The following SNW1 variants were observed in gnomAD, a reference collection of about 807,000 sequenced individuals.
SNW1 encodes the protein SNW domain-containing protein 1.
SNW1 carries 9 observed loss-of-function variants against 75.6 expected under a neutral mutation model. The observed-to-expected ratio is 0.12, with a 90% CI of 0.07 to 0.21. SNW1 has a LOEUF of 0.21. Among genes scored for constraint, SNW1 ranks in the 10% least tolerant of loss-of-function variants. The pLI, the probability that SNW1 is intolerant of heterozygous loss-of-function variation, is 1.00. For missense variants in SNW1, 409 were observed against 670.9 expected (o/e 0.61, Z 4.31); for synonymous variants, 200 against 219.1 (o/e 0.91, Z 0.77).
At position 77,719,716 on chromosome 14, in the gene SNW1, T is replaced by C. The variant is rs548304213; in HGVS notation, c.1248+995A>G. Among the ~76,000 whole-genome samples the C allele has an allele frequency of 5.3e-5, 8 of 152,328 alleles. No homozygotes were observed. In the South Asian group the frequency reaches 1.7e-3, roughly 32 times the overall value. ...AATCTTAATTCCATCAGTCACAAGCTAAACCTGTGTTTCAATTTCCTCATC... is the reference window on the plus strand; with the variant it reads ...AATCTTAATTCCATCAGTCACAAGCCAAACCTGTGTTTCAATTTCCTCATC... On this transcript the variant is annotated intron_variant, in intron 12 of 13. Transcript: ENST00000261531.
chr14:77,732,384 C>T, intron 9 of SNW1, 101 bp downstream of exon 9: 1 of 732,322 alleles, frequency 1.4e-6, no homozygotes. Context: ...GTGAGACTCT[C>T]TTTGGGTGCT....
intron 1 of SNW1, among the ~76,000 whole-genome samples, chr14:77,758,191 G>A (rs568656591): frequency 2.0e-5 from 3 of 151,770 alleles, no homozygotes; most frequent in South Asian, 2.1e-4. Context: ...TTAGCCGGGC[G>A]TGGTGGCGGA....
chr14:77,732,592 T>C lies in SNW1; in HGVS notation c.784A>G (p.Ile262Val), dbSNP rs747577972. Residue 262 changes from isoleucine to valine, a missense_variant, in exon 9 of 14, where the codon ATT (isoleucine) becomes GTT (valine). By Grantham distance (29) the Ile-to-Val change is conservative. Coordinates refer to ENST00000261531, the MANE Select transcript of SNW1 (RefSeq NM_012245.3). ...GCAGCCAGACGTTTGTCTAATGGAA[T>C]TGTATAACCCTAGAGTGAAAGCAGA... ...SNWKNAKGYT[I>V]PLDKRLAADG... 10 of 1,573,936 alleles carry C rather than the reference T, an allele frequency of 6.4e-6. No individual in the cohort carries two copies. Among genetic ancestry groups the C allele is most frequent in the Non-Finnish European group, 8.7e-6 (10 of 1,144,258 alleles).
chr14:77,739,138 A>G (rs2080697214), intron 3 of SNW1, 77 bp from the exon 4 acceptor site: 3 of 996,210 alleles, frequency 3.0e-6, no homozygotes, highest in Non-Finnish European at 4.8e-6. Context: ...TCAGATGTCA[A>G]CATGCCCTCT....
At chr14:77,735,563 G>A (rs148507623) in intron 7 of SNW1, among the ~76,000 whole-genome samples, 39 of 152,294 alleles carry the variant, frequency 2.6e-4, no homozygotes, top group African/African-American at 7.5e-4. Context: ...GATTACAGGC[G>A]TGAGCCACCA....
At position 77,737,165 on chromosome 14, in the gene SNW1, T is replaced by G. The variant is rs1384586039; in HGVS notation, c.534-90A>C. On this transcript the variant is annotated intron_variant, in intron 5 of 13. Transcript: ENST00000261531. ...TATTACAATCTTAAGCTAGACTACA[T>G]TTTCAATTCCTTTCGCAAAGTATTA... 6 of 910,576 alleles carry G rather than the reference T, an allele frequency of 6.6e-6. No individual in the cohort carries two copies. The East Asian group carries it at 1.5e-4, about 22-fold the overall frequency. The allele number at this position is 910,576 out of a possible 1,614,324, so 56.4% of individuals were successfully genotyped here. A position where few individuals can be genotyped will look rare whatever the true frequency, so the allele number is the denominator to read the frequency against.
chr14:77,724,978 G>A (rs1208146610), intron 10 of SNW1, among the ~76,000 whole-genome samples: 1 of 151,968 alleles, frequency 6.6e-6, no homozygotes, highest in African/African-American at 2.4e-5. Context: ...AAATGTACTA[G>A]TGTTCCCCCC....
chr14:77,735,870 G>C (rs2080666925), intron 7 of SNW1, 67 bp downstream of exon 7: 1 of 1,186,498 alleles, frequency 8.4e-7, no homozygotes, highest in African/African-American at 1.5e-5. Context: ...TATAGGCATA[G>C]GGAGGTTATC....
intron 1 of SNW1, among the ~76,000 whole-genome samples, chr14:77,759,768 G>C (rs4903638): frequency 0.65 from 98,605 of 151,776 alleles, 32,297 homozygotes; most frequent in South Asian, 0.72. Context: ...TGGAGGCCAA[G>C]AGTTGGAGAC....
Position 77,725,907 on chromosome 14 carries a change from C to T in SNW1, c.1034-2630G>A, listed in dbSNP as rs76797490. ...CTCCAGGCTGGATGACAGAGTGAGA[C>T]GTTGTCTCCAAACAATCAAAAATTC... On this transcript the variant is annotated intron_variant, in intron 10 of 13. Coordinates refer to ENST00000261531, the MANE Select transcript of SNW1 (RefSeq NM_012245.3). Among the ~76,000 whole-genome samples the T allele has an allele frequency of 7.7e-3, 1,171 of 152,254 alleles. 9 individuals are homozygous for T. The highest frequency in any genetic ancestry group is 0.027 in the African/African-American group (1,127 of 41,546).
intron 11 of SNW1, among the ~76,000 whole-genome samples, chr14:77,721,823 C>T (rs1306658449): frequency 1.3e-5 from 2 of 152,132 alleles, no homozygotes; most frequent in African/African-American, 4.8e-5. Flanking sequence ...TCTTGGCTCC[C>T]TGAAACCTCC....
At position 77,747,934 on chromosome 14, in the gene SNW1, A is replaced by G. The variant is rs558744910; in HGVS notation, c.330+3385T>C. On this transcript the variant is annotated intron_variant, in intron 3 of 13. Coordinates refer to ENST00000261531, the MANE Select transcript of SNW1 (RefSeq NM_012245.3). ...GTGTACCCAACAGCTCATTGAGAAC[A>G]GGCCATGATGACGATGGCGGTTTTG... Among the ~76,000 whole-genome samples the G allele has an allele frequency of 3.3e-5, 5 of 152,346 alleles. No individual in the cohort carries two copies. In the South Asian group the frequency reaches 1.0e-3, roughly 32 times the overall value.
At position 77,728,299 on chromosome 14, in the gene SNW1, A is replaced by G. The variant is rs577085549; in HGVS notation, c.1033+2689T>C. The stretch of plus-strand genomic sequence containing the variant: ...ACCCCATCTCTACTAATAATACAAA[A>G]AATTAGCTGGGCATGGTGATGGGCA... On this transcript the variant is annotated intron_variant, in intron 10 of 13. Coordinates refer to ENST00000261531, the MANE Select transcript of SNW1 (RefSeq NM_012245.3). Among the ~76,000 whole-genome samples the G allele has an allele frequency of 1.1e-3, 161 of 152,214 alleles. 1 individual carries two copies. Among genetic ancestry groups the G allele is most frequent in the Middle Eastern group, 6.8e-3 (2 of 294 alleles).
chr14:77,759,180 T>C (rs2080865736), intron 1 of SNW1, among the ~76,000 whole-genome samples: 1 of 152,180 alleles, frequency 6.6e-6, no homozygotes, highest in South Asian at 2.1e-4. Context: ...CATTTAAAGA[T>C]CGCATTCTGC....
chr14:77,741,029 G>A lies in SNW1; in HGVS notation c.331-1968C>T, dbSNP rs146066480. Among the ~76,000 whole-genome samples, 565 of 148,974 alleles carry A rather than the reference G, an allele frequency of 3.8e-3. 8 individuals carry two copies. The highest frequency in any genetic ancestry group is 0.011 in the Admixed American group (160 of 14,808). On this transcript the variant is annotated intron_variant, in intron 3 of 13. Transcript: ENST00000261531. ...GGAGAATCGCTTGAACCCAGGAGAC[G>A]GAGGTGACAGTGAGCCGAGATCATG...
chr14:77,732,449 G>A (rs1359360988), intron 9 of SNW1, 36 bp downstream of exon 9: 1 of 1,129,896 alleles, frequency 8.9e-7, no homozygotes, highest in African/African-American at 1.5e-5. Context: ...GATTTTAAAA[G>A]TAACAAGAGC....
chr14:77,734,204 T>C (rs968070396), intron 8 of SNW1, among the ~76,000 whole-genome samples: 1 of 152,184 alleles, frequency 6.6e-6, no homozygotes, highest in Non-Finnish European at 1.5e-5. Flanking sequence ...TGGCAATTAT[T>C]AGAGATATAT....
intron 5 of SNW1, among the ~76,000 whole-genome samples, chr14:77,738,287 C>A (rs927180229): frequency 1.3e-5 from 2 of 150,628 alleles, no homozygotes; most frequent in Non-Finnish European, 1.5e-5. Context: ...GGCAACAGAG[C>A]AAGATTCTGT....
intron 10 of SNW1, among the ~76,000 whole-genome samples, chr14:77,724,885 C>G (rs2080572381): frequency 6.6e-6 from 1 of 152,196 alleles, no homozygotes; most frequent in Admixed American, 6.5e-5. Context: ...ATTGCTGGAT[C>G]ACGTAGTGGC....
Sources: gnomAD v4.1 joint callset for allele counts (sites outside exome capture counted in the v4.1 genomes callset) on GRCh38, gnomAD v4.1.1 for gene constraint, MANE v1.5 for transcripts, NCBI Gene and HGNC (gene_info 2026-07-23, HGNC 2026-07-21) for gene names.